CRIPTO: variants seen among roughly 807,000 people sequenced by gnomAD.
The protein encoded by CRIPTO is protein Cripto.
At chr3:46,579,302 C>T in the CRIPTO span, 1 of 1,614,142 alleles carries the variant, frequency 6.2e-7, no homozygotes, top group Non-Finnish European at 8.5e-7. Flanking sequence ...GCATTTGGCC[C>T]CAGGAGGAGC....
the CRIPTO span, chr3:46,579,860 A>G: frequency 6.2e-7 from 1 of 1,614,172 alleles, no homozygotes. Context: ...AAGAGTAAGC[A>G]ATTCAGAGGG....
the CRIPTO span, chr3:46,580,163 G>T: frequency 6.2e-4 from 925 of 1,492,484 alleles, 4 homozygotes; most frequent in African/African-American, 0.01. Context: ...TCTTGCTAGA[G>T]CCTGGCAGCC....
the CRIPTO span, among the ~76,000 whole-genome samples, chr3:46,575,256 C>T: frequency 6.6e-6 from 1 of 152,230 alleles, no homozygotes; most frequent in Non-Finnish European, 1.5e-5. Flanking sequence ...AGTGGGGTTA[C>T]TTCTCACAAC....
chr3:46,580,559 T>G, the CRIPTO span, among the ~76,000 whole-genome samples: 3 of 152,146 alleles, frequency 2.0e-5, no homozygotes, highest in Non-Finnish European at 4.4e-5. Flanking sequence ...CACAGAACCC[T>G]TACCATGACT....
At chr3:46,579,584 C>A in the CRIPTO span, 1 of 1,150,012 alleles carries the variant, frequency 8.7e-7, no homozygotes, top group Non-Finnish European at 1.3e-6. Flanking sequence ...AACCCAGAAC[C>A]ACCACTGGCC....
At chr3:46,581,413 C>T in the CRIPTO span, 24 of 685,678 alleles carry the variant, frequency 3.5e-5, no homozygotes, top group Admixed American at 5.1e-4. Context: ...CCTTACAGAA[C>T]TACTTCTTAC....
the CRIPTO span, chr3:46,582,338 G>A: frequency 6.6e-6 from 1 of 152,164 alleles, no homozygotes; most frequent in Non-Finnish European, 1.5e-5. Context: ...TGTTGTAGAA[G>A]ACAAAATGTT....
chr3:46,580,163 G>A, the CRIPTO span: 1 of 1,492,490 alleles, frequency 6.7e-7, no homozygotes, highest in Non-Finnish European at 9.2e-7. Context: ...TCTTGCTAGA[G>A]CCTGGCAGCC....
the CRIPTO span, chr3:46,580,103 G>C: frequency 2.5e-6 from 4 of 1,613,830 alleles, no homozygotes; most frequent in Middle Eastern, 1.6e-4. Flanking sequence ...TTGAAGTTAC[G>C]TAGTTGCCTT....
At chr3:46,575,601 C>T in the CRIPTO span, among the ~76,000 whole-genome samples, 1 of 152,166 alleles carries the variant, frequency 6.6e-6, no homozygotes, top group South Asian at 2.1e-4. Flanking sequence ...AGACTGGAGA[C>T]CTCAGTTACT....
At chr3:46,581,252 C>T in the CRIPTO span, 11 of 1,597,950 alleles carry the variant, frequency 6.9e-6, no homozygotes, top group Admixed American at 3.3e-5. Flanking sequence ...TACTATTAAT[C>T]GACATTGACC....
the CRIPTO span, chr3:46,577,628 A>T: frequency 4.9e-6 from 2 of 404,396 alleles, no homozygotes. Flanking sequence ...GTTTTACAAG[A>T]CTCCTCTTCC....
At chr3:46,576,607 A>G in the CRIPTO span, among the ~76,000 whole-genome samples, 2 of 151,980 alleles carry the variant, frequency 1.3e-5, no homozygotes. Context: ...GATGCTACCA[A>G]TTCTTTCTGC....
At chr3:46,577,272 A>G in the CRIPTO span, 1 of 152,280 alleles carries the variant, frequency 6.6e-6, no homozygotes, top group Admixed American at 6.5e-5. Flanking sequence ...TCTTCCCCAC[A>G]CACACACACC....
chr3:46,579,125 C>CT, the CRIPTO span: 1 of 1,614,046 alleles, frequency 6.2e-7, no homozygotes, highest in East Asian at 2.2e-5. Context: ...TTTCTAAAGT[C>CT]TTTGAACTGG....
the CRIPTO span, chr3:46,578,054 A>G: frequency 6.3e-7 from 1 of 1,590,496 alleles, no homozygotes; most frequent in Non-Finnish European, 8.6e-7. Context: ...AGAGATTGCC[A>G]GCTTAGGAAG....
chr3:46,579,448 A>C, the CRIPTO span: 1 of 1,606,532 alleles, frequency 6.2e-7, no homozygotes, highest in Non-Finnish European at 8.5e-7. Context: ...TTTCACCTAA[A>C]AGGGCACCTG....
chr3:46,579,321 C>T, the CRIPTO span: 4 of 1,613,958 alleles, frequency 2.5e-6, no homozygotes, highest in Non-Finnish European at 3.4e-6. Flanking sequence ...GCCTGCAATT[C>T]GGCCTCGGTC....
chr3:46,579,573 G>A, the CRIPTO span: 1 of 1,150,670 alleles, frequency 8.7e-7, no homozygotes, highest in East Asian at 2.4e-5. Context: ...TCACACTGGG[G>A]AACCCAGAAC....
Sources: allele counts gnomAD v4.1 joint callset (sites outside exome capture counted in the v4.1 genomes callset), GRCh38; gene constraint gnomAD v4.1.1; transcripts MANE v1.5; gene names NCBI Gene and HGNC (gene_info 2026-07-23, HGNC 2026-07-21).